CRYBG2: variants seen among roughly 807,000 people sequenced by gnomAD.
The protein encoded by CRYBG2 is crystallin beta-gamma domain containing 2.
A neutral mutation model predicts 153.4 loss-of-function variants in CRYBG2; 106 were observed. That is an observed-to-expected ratio of 0.69 (90% CI 0.59 to 0.81). CRYBG2 has a LOEUF of 0.81. Ranked by LOEUF, CRYBG2 falls within the 30% of genes least tolerant of loss-of-function variation. CRYBG2 has a pLI of 0.00. For missense variants in CRYBG2, 1,996 were observed against 2,112.0 expected (o/e 0.95, Z 1.08); for synonymous variants, 851 against 877.8 (o/e 0.97, Z 0.54).
At chr1:26,342,465 T>C (rs2074142272) in intron 5 of CRYBG2, among the ~76,000 whole-genome samples, 1 of 152,174 alleles carries the variant, frequency 6.6e-6, no homozygotes, top group South Asian at 2.1e-4. Context: ...AGTGGTGCAA[T>C]CCAGGCTTAC....
At position 26,336,259 on chromosome 1, in the gene CRYBG2, A is replaced by G; in HGVS notation, c.4072-52T>C. ...GAAGGAGGACGATGGAGTGGGGCCG[A>G]GAACAGCGGGGAGGGGAAAGGTCCG... On this transcript the variant is annotated intron_variant, in intron 13 of 19. Transcript: ENST00000308182. This position sits in a 1 kb window ranked among gnomAD's most constrained non-coding sequence, Gnocchi z 4.9. The G allele has an allele frequency of 6.3e-7, 1 of 1,594,574 alleles. No individual in the cohort carries two copies. The highest frequency in any genetic ancestry group is 8.6e-7 in the Non-Finnish European group (1 of 1,169,366).
At chr1:26,342,913 A>C in intron 4 of CRYBG2, 30 bp from the exon 5 acceptor site, 1 of 1,613,298 alleles carries the variant, frequency 6.2e-7, no homozygotes, top group Non-Finnish European at 8.5e-7. Context: ...AGGATCACAG[A>C]TGGGGAGGAG....
intron 15 of CRYBG2, among the ~76,000 whole-genome samples, chr1:26,329,967 C>T (rs2073979927): frequency 1.3e-5 from 2 of 152,186 alleles, no homozygotes. Context: ...AAACTCCTGA[C>T]CTCATGATCT....
intron 1 of CRYBG2, among the ~76,000 whole-genome samples, chr1:26,351,717 A>T (rs2074288929): frequency 6.6e-6 from 1 of 152,142 alleles, no homozygotes; most frequent in East Asian, 1.9e-4. Context: ...TCATTCCACA[A>T]GCATGTGGTC....
At chr1:26,327,295 C>T (rs1431299359) in intron 17 of CRYBG2, among the ~76,000 whole-genome samples, 8 of 151,980 alleles carry the variant, frequency 5.3e-5, no homozygotes, top group African/African-American at 1.9e-4. Flanking sequence ...AGTGAAACCT[C>T]GTCTCTACTA....
Position 26,328,239 on chromosome 1 carries a change from C to G in CRYBG2, c.4548G>C (p.Gln1516His). The G allele has an allele frequency of 6.4e-7, 1 of 1,564,102 alleles. No homozygotes were observed. The highest frequency in any genetic ancestry group is 8.7e-7 in the Non-Finnish European group (1 of 1,154,188). The change falls in exon 17 of 20, where the codon CAG (glutamine) becomes CAC (histidine). Residue 1516 changes from glutamine to histidine, a missense_variant. Coordinates refer to ENST00000308182, the MANE Select transcript of CRYBG2 (RefSeq NM_001039775.4). ...ITNWLTYSGTQRVGSLYPIKQ... is the reference protein window; with the variant it reads ...ITNWLTYSGTHRVGSLYPIKQ... ...TGATGGGGTAGAGGGAGCCCACCCT[C>G]TGGGTGCCGCTGTAGGTCAGCCAGT...
Position 26,343,653 on chromosome 1 carries a change from C to G in CRYBG2, c.2913+92G>C. ...TCAGACAGAAGCCTCTGCCCCCAGA[C>G]TCTGACTCCCAGCACCACTCTCTTC... On this transcript the variant is annotated intron_variant, in intron 2 of 19. Transcript: ENST00000308182. The surrounding 1 kb of genome is among the most constrained non-coding windows in gnomAD (Gnocchi z 4.1). 1 of 1,393,602 alleles carries G rather than the reference C, an allele frequency of 7.2e-7. No individual in the cohort carries two copies. Among genetic ancestry groups the G allele is most frequent in the South Asian group, 1.6e-5 (1 of 61,972 alleles). 86.3% of individuals were successfully genotyped at this position (1,393,602 alleles called of 1,614,324 possible). A position where few individuals can be genotyped will look rare whatever the true frequency, so the allele number is the denominator to read the frequency against.
chr1:26,328,228 G>A lies in CRYBG2; in HGVS notation c.4559C>T (p.Ser1520Phe), dbSNP rs1424264394. 2.6e-6 allele frequency: 4 copies of A among 1,565,162 alleles called. No individual in the cohort carries two copies. The highest frequency in any genetic ancestry group is 3.5e-6 in the Non-Finnish European group (4 of 1,154,892). Residue 1520 changes from serine (S) to phenylalanine (F), a missense_variant, in exon 17 of 20, where the codon TCC becomes TTC. Coordinates refer to ENST00000308182, the MANE Select transcript of CRYBG2 (RefSeq NM_001039775.4). ...LTYSGTQRVG[S>F]LYPIKQRRVY... ...ACCCACCTGCTTGATGGGGTAGAGG[G>A]AGCCCACCCTCTGGGTGCCGCTGTA... is the stretch of plus-strand genomic sequence containing the variant.
Position 26,322,038 on chromosome 1 carries a change from C to G in CRYBG2, c.4916G>C (p.Arg1639Pro). Residue 1639 changes from arginine (R) to proline (P), a missense_variant, in exon 20 of 20, where the codon CGG becomes CCG. Coordinates refer to ENST00000308182, the MANE Select transcript of CRYBG2 (RefSeq NM_001039775.4). ...CGGCTCCCATAGCACCACGTGGTCC[C>G]GGTCGTAGCCCCGGCCTCCTGGGGG... ...LDVKGGRGYD[R>P]DHVVLWEPDE... 5 of 1,606,784 alleles carry G rather than the reference C, an allele frequency of 3.1e-6. No homozygotes were observed. The highest frequency in any genetic ancestry group is 4.3e-6 in the Non-Finnish European group (5 of 1,174,108).
Position 26,322,157 on chromosome 1 carries a change from A to T in CRYBG2, c.4897+7T>A. On this transcript the variant is annotated splice_region_variant and intron_variant, in intron 19 of 19. Transcript: ENST00000308182. ...AGGAGCCCTCTTCCCCATACATCCC[A>T]CCTTACCCTTCACGTCCAGGATCTG... is the stretch of plus-strand genomic sequence containing the variant. The T allele has an allele frequency of 6.2e-7, 1 of 1,612,784 alleles. No individual in the cohort carries two copies.
At position 26,344,186 on chromosome 1, in the gene CRYBG2, T is replaced by C; in HGVS notation, c.2472A>G (p.Glu824=). The change falls in exon 2 of 20, where the codon GAA becomes GAG. Residue 824 remains glutamate (E), a synonymous_variant. Coordinates refer to ENST00000308182, the MANE Select transcript of CRYBG2 (RefSeq NM_001039775.4). ...CCTCCTCCTCCTCCTCCTCTTTCTC[T>C]TCCAGTGAAGGCACCTCCTGGGGTC... is the stretch of plus-strand genomic sequence containing the variant. ...GPGPQEVPSL[E]EKEEEEEEEP... 2 of 1,535,674 alleles carry C rather than the reference T, an allele frequency of 1.3e-6. No homozygotes were observed. Among genetic ancestry groups the C allele is most frequent in the Non-Finnish European group, 1.7e-6 (2 of 1,146,618 alleles).
chr1:26,330,667 C>T lies in CRYBG2; in HGVS notation c.4314+822G>A, dbSNP rs139466687. ...AAATCTCCTGTCTCAGCTTCCCAAGCAGCTGGGATTACAGACGTGCACCAC... is the reference window on the plus strand; with the variant it reads ...AAATCTCCTGTCTCAGCTTCCCAAGTAGCTGGGATTACAGACGTGCACCAC... On this transcript the variant is annotated intron_variant, in intron 15 of 19. Transcript: ENST00000308182. Among the ~76,000 whole-genome samples the T allele has an allele frequency of 4.5e-3, 674 of 151,044 alleles. 6 individuals are homozygous for T. The highest frequency in any genetic ancestry group is 0.015 in the African/African-American group (636 of 41,078).
intron 1 of CRYBG2, among the ~76,000 whole-genome samples, chr1:26,352,554 C>G (rs888395653): frequency 6.6e-6 from 1 of 152,106 alleles, no homozygotes; most frequent in African/African-American, 2.4e-5. Flanking sequence ...CACTTCTTCT[C>G]GACTCCCATA....
rs1163440708 is a variant in CRYBG2 at position 26,324,282 on chromosome 1, G to A, written c.4607C>T (p.Ala1536Val). 6.2e-7 allele frequency: 1 copy of A among 1,609,642 alleles called. No homozygotes were observed. ...QRRVYFRLWN[A>V]ALGGFLAVPD... ...CACTGCCAGGAATCCCCCCAGTGCT[G>A]CATTCCAGAGGCGGAAATAAACCCG... The change falls in exon 18 of 20, where the codon GCA (alanine) becomes GTA (valine). Residue 1536 changes from alanine to valine, a missense_variant. Coordinates refer to ENST00000308182, the MANE Select transcript of CRYBG2 (RefSeq NM_001039775.4).
intron 6 of CRYBG2, among the ~76,000 whole-genome samples, chr1:26,338,954 G>T (rs2074094717): frequency 6.6e-6 from 1 of 152,208 alleles, no homozygotes; most frequent in East Asian, 1.9e-4. Flanking sequence ...TCTGCTCTGT[G>T]CCAGACCCTG....
In CRYBG2 at chr1:26,336,744, G is replaced by C; in HGVS notation, c.3912-12C>G. Reference sequence around the variant, plus strand: ...GGTAGGCCACCCACCTGCAGGAAGGGCGGGGCGCGAGTCAGCTGGGACGGA... The same window carrying C: ...GGTAGGCCACCCACCTGCAGGAAGGCCGGGGCGCGAGTCAGCTGGGACGGA... On this transcript the variant is annotated splice_polypyrimidine_tract_variant and intron_variant, in intron 11 of 19. Transcript: ENST00000308182. This position sits in a 1 kb window ranked among gnomAD's most constrained non-coding sequence, Gnocchi z 4.9. The C allele has an allele frequency of 6.3e-7, 1 of 1,581,950 alleles. No individual in the cohort carries two copies. The highest frequency in any genetic ancestry group is 1.2e-5 in the South Asian group (1 of 86,928).
Position 26,345,586 on chromosome 1 carries a change from C to T in CRYBG2, c.1072G>A (p.Glu358Lys), listed in dbSNP as rs1261195534. 8.7e-6 allele frequency: 14 copies of T among 1,602,832 alleles called. No individual in the cohort carries two copies. Among genetic ancestry groups the T allele is most frequent in the Non-Finnish European group, 1.1e-5 (13 of 1,179,576 alleles). Residue 358 changes from glutamate (E) to lysine (K), a missense_variant, in exon 2 of 20, where the codon GAG becomes AAG. Glu to Lys is a moderately conservative substitution (Grantham distance 56). Transcript: ENST00000308182. The stretch of plus-strand genomic sequence containing the variant: ...AGGCCAGGAGAGGGGACATGGGTCT[C>T]GAGTCTGGGAGAGGAGGGGACTGAT... Reference protein sequence around the residue: ...QASVPSSPRLETHVPSPGLTH... With the variant: ...QASVPSSPRLKTHVPSPGLTH...
chr1:26,332,416 G>C (rs1283402488), intron 14 of CRYBG2, among the ~76,000 whole-genome samples: 1 of 151,784 alleles, frequency 6.6e-6, no homozygotes, highest in Non-Finnish European at 1.5e-5. Flanking sequence ...GATGAAAAAA[G>C]CAGGTGCATA....
Position 26,345,470 on chromosome 1 carries a change from G to A in CRYBG2, c.1188C>T (p.Pro396=), listed in dbSNP as rs779018572. The A allele has an allele frequency of 4.4e-6, 7 of 1,593,018 alleles. No individual in the cohort carries two copies. Among genetic ancestry groups the A allele is most frequent in the Admixed American group, 1.7e-5 (1 of 58,448 alleles). The change falls in exon 2 of 20, where the codon CCC becomes CCT. Residue 396 remains proline (P), a synonymous_variant. Coordinates refer to ENST00000308182, the MANE Select transcript of CRYBG2 (RefSeq NM_001039775.4). ...LVLPPKKKDG[P]VDPPAATVLP... is the part of the protein sequence containing the mutation. ...GGACGGTGGCAGCAGGGGGGTCCAC[G>A]GGCCCGTCCTTTTTTTTAGGGGGCA...
Sources: gnomAD v4.1 joint callset for allele counts (sites outside exome capture counted in the v4.1 genomes callset) on GRCh38, gnomAD v4.1.1 for gene constraint, Gnocchi (gnomAD v3.1) non-coding constraint, MANE v1.5 for transcripts, NCBI Gene and HGNC (gene_info 2026-07-23, HGNC 2026-07-21) for gene names.